The following PAG1 variants were observed in gnomAD, a reference collection of about 807,000 sequenced individuals.
PAG1 encodes phosphoprotein associated with glycosphingolipid-enriched microdomains 1.
In PAG1, 23 loss-of-function variants were observed where a neutral mutation model predicts 31.7. That is an observed-to-expected ratio of 0.73 (90% CI 0.52 to 1.03). The LOEUF (loss-of-function observed/expected upper bound fraction) is 1.03. Ranked by LOEUF, PAG1 falls within the 50% of genes least tolerant of loss-of-function variation. The pLI, the probability that PAG1 is intolerant of heterozygous loss-of-function variation, is 0.00. For missense variants in PAG1, 473 were observed against 540.7 expected, an observed-to-expected ratio of 0.87 and a Z score of 1.24; for synonymous variants, 214 against 210.3, an observed-to-expected ratio of 1.02 and a Z score of -0.15.
intron 1 of PAG1, among the ~76,000 whole-genome samples, chr8:81,076,474 G>A (rs1809179868): frequency 6.6e-6 from 1 of 152,172 alleles, no homozygotes; most frequent in Non-Finnish European, 1.5e-5. Flanking sequence ...TCAAGCCAAG[G>A]CACCTGCATA....
chr8:80,991,798 G>A (rs1214230621), intron 4 of PAG1, among the ~76,000 whole-genome samples: 1 of 151,506 alleles, frequency 6.6e-6, no homozygotes, highest in African/African-American at 2.4e-5. Flanking sequence ...ACAAGGAGAG[G>A]ACCGAGGCCT....
intron 3 of PAG1, among the ~76,000 whole-genome samples, chr8:81,028,987 A>G (rs1808331662): frequency 6.6e-6 from 1 of 152,180 alleles, no homozygotes; most frequent in Admixed American, 6.5e-5. Context: ...AGTATCAACC[A>G]TATCATATTA....
At chr8:81,086,106 C>G (rs1335467168) in intron 1 of PAG1, among the ~76,000 whole-genome samples, 1 of 149,250 alleles carries the variant, frequency 6.7e-6, no homozygotes, top group East Asian at 2.0e-4. Context: ...CTCAGCCTCC[C>G]GAGTAGCTGG....
In PAG1 at chr8:80,976,864, C is replaced by G. The variant is rs773413444; in HGVS notation, c.979G>C (p.Val327Leu). ...GTAAGCGACTGCCCCGATTTATTCACTAACTGTCCAGGTTTATTTACTGAT... is the reference window on the plus strand; with the variant it reads ...GTAAGCGACTGCCCCGATTTATTCAGTAACTGTCCAGGTTTATTTACTGAT... ...YSSVNKPGQL[V>L]NKSGQSLTVP... Residue 327 changes from valine to leucine, a missense_variant, in exon 9 of 9, where the codon GTG becomes CTG. By Grantham distance (32) the Val-to-Leu change is conservative (BLOSUM62 1). Coordinates refer to ENST00000220597, the MANE Select transcript of PAG1 (RefSeq NM_018440.4). The G allele has an allele frequency of 6.2e-7, 1 of 1,613,586 alleles. No individual in the cohort carries two copies. Among genetic ancestry groups the G allele is most frequent in the South Asian group, 1.1e-5 (1 of 91,034 alleles).
intron 1 of PAG1, among the ~76,000 whole-genome samples, chr8:81,077,319 C>A (rs2130999932): frequency 6.6e-6 from 1 of 152,360 alleles, no homozygotes; most frequent in African/African-American, 2.4e-5. Context: ...GTAAGCCCTT[C>A]CACATCCTGA....
rs1228768316 is a variant in PAG1 at position 81,011,265 on chromosome 8, C to A, written c.-80-17958G>T. ...TCTTGAATTGTAGCTCCCATTATTG[C>A]CACATGTTACGGGAGAGACCTGGCG... is the stretch of plus-strand genomic sequence containing the variant. On this transcript the variant is annotated intron_variant, in intron 3 of 8. Coordinates refer to ENST00000220597, the MANE Select transcript of PAG1 (RefSeq NM_018440.4). Among the ~76,000 whole-genome samples, 4 of 152,318 alleles carry A rather than the reference C, an allele frequency of 2.6e-5. No individual in the cohort carries two copies. In the Middle Eastern group the frequency reaches 0.01, roughly 389 times the overall value.
chr8:81,063,257 C>A (rs1808946862), intron 2 of PAG1, among the ~76,000 whole-genome samples: 1 of 152,308 alleles, frequency 6.6e-6, no homozygotes, highest in Admixed American at 6.5e-5. Context: ...AATATTGGTA[C>A]TAAGCAGTTG....
intron 3 of PAG1, among the ~76,000 whole-genome samples, chr8:81,006,325 C>T (rs1057211463): frequency 2.0e-5 from 3 of 152,310 alleles, no homozygotes; most frequent in Admixed American, 1.3e-4. Flanking sequence ...ACACAGGTCT[C>T]GTGCTTGTGA....
chr8:81,066,068 A>T (rs554165303), intron 2 of PAG1, among the ~76,000 whole-genome samples: 2 of 152,338 alleles, frequency 1.3e-5, no homozygotes, highest in South Asian at 4.1e-4. Context: ...GCCAGGGAGC[A>T]AAATTACAGG....
intron 3 of PAG1, among the ~76,000 whole-genome samples, chr8:80,995,349 C>T (rs1192006482): frequency 6.6e-6 from 1 of 152,194 alleles, no homozygotes; most frequent in Non-Finnish European, 1.5e-5. Flanking sequence ...CCTGTAAACA[C>T]GACAGGCGTA....
chr8:81,012,684 A>C (rs1490691596), intron 3 of PAG1, among the ~76,000 whole-genome samples: 1 of 152,254 alleles, frequency 6.6e-6, no homozygotes, highest in African/African-American at 2.4e-5. Context: ...AAAATAAAGA[A>C]ATAATCAGAT....
At chr8:81,015,583 A>G (rs1808059115) in intron 3 of PAG1, among the ~76,000 whole-genome samples, 1 of 152,250 alleles carries the variant, frequency 6.6e-6, no homozygotes, top group Non-Finnish European at 1.5e-5. Flanking sequence ...GTAAGCAATT[A>G]AAGAATTTGG....
At chr8:81,019,383 C>T (rs1808123932) in intron 3 of PAG1, among the ~76,000 whole-genome samples, 1 of 152,188 alleles carries the variant, frequency 6.6e-6, no homozygotes, top group Non-Finnish European at 1.5e-5. Context: ...CACAGCAGCC[C>T]CTCCCATCAC....
At chr8:81,010,713 C>T (rs182760440) in intron 3 of PAG1, among the ~76,000 whole-genome samples, 9 of 152,316 alleles carry the variant, frequency 5.9e-5, no homozygotes, top group Admixed American at 2.6e-4. Flanking sequence ...ATTGTTTAAA[C>T]GGACACAGTA....
chr8:81,077,952 T>C (rs1327776614), intron 1 of PAG1, among the ~76,000 whole-genome samples: 1 of 152,050 alleles, frequency 6.6e-6, no homozygotes, highest in Non-Finnish European at 1.5e-5. Context: ...GAGAACATCA[T>C]CCCATCATTT....
At chr8:80,995,537 G>A (rs1807656228) in intron 3 of PAG1, among the ~76,000 whole-genome samples, 1 of 152,194 alleles carries the variant, frequency 6.6e-6, no homozygotes. Flanking sequence ...AAATCATGAT[G>A]ACCAATGAAA....
chr8:81,066,530 C>T (rs554481173), intron 2 of PAG1, among the ~76,000 whole-genome samples: 1 of 152,182 alleles, frequency 6.6e-6, no homozygotes, highest in East Asian at 1.9e-4. Context: ...ATCTAGCATG[C>T]AATAGACTTG....
Position 81,082,806 on chromosome 8 carries a change from C to A in PAG1, c.-233-12636G>T, listed in dbSNP as rs543594483. 9.2e-5 allele frequency among the ~76,000 whole-genome samples: 14 copies of A among 152,236 alleles called. No homozygotes were observed. In the South Asian group the frequency reaches 2.9e-3, roughly 32 times the overall value. On this transcript the variant is annotated intron_variant, in intron 1 of 8. Transcript: ENST00000220597. Reference sequence around the variant, plus strand: ...TTTCTATTTTTTCATTTGCATCCAGCATGTTTAGAATTCCTCAGTGATGCA... The same window carrying A: ...TTTCTATTTTTTCATTTGCATCCAGAATGTTTAGAATTCCTCAGTGATGCA...
Position 80,971,951 on chromosome 8 carries a change from G to A in PAG1, c.*4593C>T, listed in dbSNP as rs1807086493. The stretch of plus-strand genomic sequence containing the variant: ...ATGGTTTCTGGACTGATCTCTTTAA[G>A]TTAAACACTTTCAGTCTAAGTGTGT... On this transcript the variant is annotated 3_prime_UTR_variant, in exon 9 of 9. Transcript: ENST00000220597. 6.6e-6 allele frequency: 1 copy of A among 152,172 alleles called. No homozygotes were observed. 9.4% of individuals were successfully genotyped at this position (152,172 alleles called of 1,614,324 possible).
Sources: allele counts gnomAD v4.1 joint callset (sites outside exome capture counted in the v4.1 genomes callset), GRCh38; gene constraint gnomAD v4.1.1; transcripts MANE v1.5; gene names NCBI Gene and HGNC (gene_info 2026-07-23, HGNC 2026-07-21).